Variants in CTNNA3 observed in about 807,000 individuals in gnomAD.
CTNNA3 encodes catenin alpha 3.
A neutral mutation model predicts 95.7 loss-of-function variants in CTNNA3; 76 were observed. The observed-to-expected ratio is 0.79, with a 90% confidence interval of 0.66 to 0.96. CTNNA3 has a LOEUF of 0.96. Among genes scored for constraint, CTNNA3 ranks in the 40% least tolerant of loss-of-function variants. CTNNA3 has a pLI of 0.00. For missense variants in CTNNA3, 1,191 were observed against 1,089.8 expected (o/e 1.09, Z -1.31); for synonymous variants, 431 against 374.4 (o/e 1.15, Z -1.74).
At chr10:67,547,040 G>A (rs1040020474) in intron 3 of CTNNA3, among the ~76,000 whole-genome samples, 7 of 152,148 alleles carry the variant, frequency 4.6e-5, no homozygotes, top group South Asian at 2.1e-4. Flanking sequence ...ACTAAAATAC[G>A]CAAAGCACTA....
chr10:66,668,004 C>T (rs1002851152), intron 9 of CTNNA3, among the ~76,000 whole-genome samples: 3 of 152,120 alleles, frequency 2.0e-5, no homozygotes, highest in Non-Finnish European at 4.4e-5. Flanking sequence ...TAACAAACTA[C>T]TCACTATCAA....
intron 13 of CTNNA3, among the ~76,000 whole-genome samples, chr10:66,213,354 C>T (rs2088295159): frequency 6.6e-6 from 1 of 151,978 alleles, no homozygotes; most frequent in Non-Finnish European, 1.5e-5. Flanking sequence ...ATACATCTGA[C>T]TATAGCATTA....
At chr10:67,084,395 T>C (rs1321546884) in intron 7 of CTNNA3, among the ~76,000 whole-genome samples, 2 of 151,972 alleles carry the variant, frequency 1.3e-5, no homozygotes, top group African/African-American at 4.8e-5. Flanking sequence ...TAATTGACTA[T>C]CACAACATCA....
chr10:67,565,995 TTATATATATATAC>T (rs1564745401), intron 3 of CTNNA3, among the ~76,000 whole-genome samples: 2 of 105,594 alleles, frequency 1.9e-5, no homozygotes, highest in East Asian at 5.8e-4. Flanking sequence ...TATATATATA[TTATATATATATAC>T]ACACACAAAC....
rs1170061579 is a variant in CTNNA3, at chr10:67,388,978, A to G, written c.579+132864T>C. ...ATCATGCCAAAATGTAAAGACCATC[A>G]AGACTAGGAAGAAACTGCATCAACT... is the stretch of plus-strand genomic sequence containing the variant. On this transcript the variant is annotated intron_variant, in intron 5 of 17. Transcript: ENST00000433211. Among the ~76,000 whole-genome samples, 19 of 152,116 alleles carry G rather than the reference A, an allele frequency of 1.2e-4. No homozygotes were observed. In the South Asian group the frequency reaches 1.9e-3, roughly 15 times the overall value.
intron 7 of CTNNA3, among the ~76,000 whole-genome samples, chr10:66,801,715 A>G (rs1439591750): frequency 1.3e-5 from 2 of 151,658 alleles, no homozygotes; most frequent in Non-Finnish European, 3.0e-5. Flanking sequence ...AATCACAATT[A>G]AAATCCAGCA....
chr10:66,901,575 G>T (rs1311707344), intron 7 of CTNNA3, among the ~76,000 whole-genome samples: 1 of 152,132 alleles, frequency 6.6e-6, no homozygotes, highest in Non-Finnish European at 1.5e-5. Context: ...AAAAGACACA[G>T]ACTGGCAAAT....
intron 7 of CTNNA3, among the ~76,000 whole-genome samples, chr10:67,067,450 A>G (rs1199767521): frequency 6.6e-6 from 1 of 152,174 alleles, no homozygotes; most frequent in Admixed American, 6.6e-5. Flanking sequence ...CTATAATAAC[A>G]TTTCCACAAT....
In CTNNA3 at chr10:67,335,625, C is replaced by T. The variant is rs148885383; in HGVS notation, c.580-115755G>A. Among the ~76,000 whole-genome samples the T allele has an allele frequency of 1.7e-3, 258 of 152,246 alleles. 2 individuals carry two copies. Among genetic ancestry groups the T allele is most frequent in the African/African-American group, 5.8e-3 (239 of 41,544 alleles). ...ATCTTTCTTGAATGTATGTTTGGCT[C>T]ACATTTATTTCAATGTTTAATATTA... On this transcript the variant is annotated intron_variant, in intron 5 of 17. Transcript: ENST00000433211.
At chr10:65,980,934 A>G (rs1171333203) in intron 16 of CTNNA3, among the ~76,000 whole-genome samples, 1 of 152,122 alleles carries the variant, frequency 6.6e-6, no homozygotes. Context: ...AACTGGGACA[A>G]GACAAGGATG....
chr10:67,277,424 G>A (rs1277023332), intron 5 of CTNNA3, among the ~76,000 whole-genome samples: 1 of 152,116 alleles, frequency 6.6e-6, no homozygotes, highest in Admixed American at 6.6e-5. Flanking sequence ...TCAGAAGCTG[G>A]GGAAGGTGAA....
At chr10:67,085,095 A>T (rs944507425) in intron 7 of CTNNA3, among the ~76,000 whole-genome samples, 1 of 151,976 alleles carries the variant, frequency 6.6e-6, no homozygotes, top group Non-Finnish European at 1.5e-5. Context: ...AATTGCATTC[A>T]ATATCTACTT....
chr10:66,945,374 C>T (rs1161117095), intron 7 of CTNNA3, among the ~76,000 whole-genome samples: 2 of 152,196 alleles, frequency 1.3e-5, no homozygotes, highest in Non-Finnish European at 2.9e-5. Flanking sequence ...ACCTCATGAA[C>T]CAACCTCTTC....
intron 13 of CTNNA3, among the ~76,000 whole-genome samples, chr10:66,194,061 G>T (rs1209931699): frequency 6.6e-6 from 1 of 152,082 alleles, no homozygotes; most frequent in Non-Finnish European, 1.5e-5. Context: ...AACAGCCAGA[G>T]AGATTTTCAA....
chr10:66,021,849 TGGC>T (rs2079217779), intron 15 of CTNNA3, among the ~76,000 whole-genome samples: 1 of 131,352 alleles, frequency 7.6e-6, no homozygotes, highest in African/African-American at 2.8e-5. Context: ...TACAGGATCT[TGGC>T]TTTTTTTTTT....
chr10:65,968,326 T>C (rs555537815), intron 16 of CTNNA3, among the ~76,000 whole-genome samples: 1 of 152,128 alleles, frequency 6.6e-6, no homozygotes, highest in African/African-American at 2.4e-5. Flanking sequence ...CAGTGAGCCA[T>C]GATTGCAACA....
At chr10:67,486,291 G>T (rs111295905) in intron 5 of CTNNA3, among the ~76,000 whole-genome samples, 79 of 152,244 alleles carry the variant, frequency 5.2e-4, no homozygotes, top group African/African-American at 1.7e-3. Context: ...CTGATAAACA[G>T]ACCACTTATC....
intron 3 of CTNNA3, among the ~76,000 whole-genome samples, chr10:67,559,552 GA>G (rs977738805): frequency 2.6e-5 from 4 of 152,154 alleles, no homozygotes; most frequent in Admixed American, 2.0e-4. Context: ...AAACAGAGCA[GA>G]AAAACTGGAA....
At chr10:66,100,240 A>G (rs10996896) in intron 14 of CTNNA3, among the ~76,000 whole-genome samples, 45,033 of 151,934 alleles carry the variant, frequency 0.3, 6,770 homozygotes, top group African/African-American at 0.35. Flanking sequence ...ATGCATTTCC[A>G]AATTGTCCAT....
Sources: gnomAD v4.1 joint callset for allele counts (sites outside exome capture counted in the v4.1 genomes callset) on GRCh38, gnomAD v4.1.1 for gene constraint, MANE v1.5 for transcripts, NCBI Gene and HGNC (gene_info 2026-07-23, HGNC 2026-07-21) for gene names.